The following SGPP2 variants were observed in gnomAD, a reference collection of about 807,000 sequenced individuals.
The protein encoded by SGPP2 is sphingosine 1-phosphate phosphohydrolase 2.
Under a neutral mutation model 33.9 loss-of-function variants are expected in SGPP2, and 30 were observed. The observed-to-expected ratio is 0.89, with a 90% confidence interval of 0.66 to 1.20. SGPP2 has a LOEUF of 1.20. SGPP2 is among the 50% of genes most tolerant of loss of function. The pLI, the probability that SGPP2 is intolerant of heterozygous loss-of-function variation, is 0.00. For synonymous variants in SGPP2, 233 were observed against 225.0 expected, an observed-to-expected ratio of 1.04 and a Z score of -0.32; for missense variants, 458 against 532.1, an observed-to-expected ratio of 0.86 and a Z score of 1.37.
chr2:222,426,071 C>T (rs976967809), intron 1 of SGPP2, among the ~76,000 whole-genome samples: 1 of 151,584 alleles, frequency 6.6e-6, no homozygotes, highest in East Asian at 1.9e-4. Context: ...GATAAGAAAT[C>T]AGCTGGGCGT....
Position 222,560,614 on chromosome 2 carries a change from T to G in SGPP2, c.*1716T>G, listed in dbSNP as rs1222603371. Reference sequence around the variant, plus strand: ...AAAGTATCCATTGAAGTTTAGTGCCTGTAGGACTGAGCCAGTGCTTTATCA... The same window carrying G: ...AAAGTATCCATTGAAGTTTAGTGCCGGTAGGACTGAGCCAGTGCTTTATCA... On this transcript the variant is annotated 3_prime_UTR_variant, in exon 5 of 5. Transcript: ENST00000321276. 1 of 152,184 alleles carries G rather than the reference T, an allele frequency of 6.6e-6. No homozygotes were observed. Among genetic ancestry groups the G allele is most frequent in the Non-Finnish European group, 1.5e-5 (1 of 68,038 alleles). The allele number at this position is 152,184 out of a possible 1,614,324, so 9.4% of individuals were successfully genotyped here.
At chr2:222,449,214 A>G (rs1207889750) in intron 1 of SGPP2, among the ~76,000 whole-genome samples, 1 of 152,110 alleles carries the variant, frequency 6.6e-6, no homozygotes, top group African/African-American at 2.4e-5. Flanking sequence ...TAAGACATTG[A>G]GGGTGGGGCT....
intron 2 of SGPP2, among the ~76,000 whole-genome samples, chr2:222,490,775 A>G (rs1698185369): frequency 6.6e-6 from 1 of 152,148 alleles, no homozygotes. Flanking sequence ...AGAGGTTGAT[A>G]TGAGTGAGAA....
intron 2 of SGPP2, among the ~76,000 whole-genome samples, chr2:222,521,059 C>T (rs749429619): frequency 6.6e-6 from 1 of 152,228 alleles, no homozygotes; most frequent in South Asian, 2.1e-4. Flanking sequence ...TGCACCCAAC[C>T]TGAGTCTTTA....
rs76928419 is a variant in SGPP2 at position 222,544,529 on chromosome 2, C to G, written c.649-13818C>G. Among the ~76,000 whole-genome samples the G allele has an allele frequency of 7.2e-5, 11 of 152,204 alleles. No individual in the cohort carries two copies. In the East Asian group the frequency reaches 2.1e-3, roughly 29 times the overall value. On this transcript the variant is annotated intron_variant, in intron 4 of 4. Coordinates refer to ENST00000321276, the MANE Select transcript of SGPP2 (RefSeq NM_152386.4). Reference sequence around the variant, plus strand: ...TTGCATATAATCAATGCCTATCCTCCTATACATTTTAAATCATCTCTAGAT... The same window carrying G: ...TTGCATATAATCAATGCCTATCCTCGTATACATTTTAAATCATCTCTAGAT...
chr2:222,527,070 A>AT (rs573284148), intron 4 of SGPP2, among the ~76,000 whole-genome samples: 5 of 152,244 alleles, frequency 3.3e-5, no homozygotes, highest in Non-Finnish European at 4.4e-5. Context: ...AGAGATGAGT[A>AT]AAGAGTACAC....
At chr2:222,537,879 A>G (rs1308709433) in intron 4 of SGPP2, among the ~76,000 whole-genome samples, 1 of 152,248 alleles carries the variant, frequency 6.6e-6, no homozygotes, top group African/African-American at 2.4e-5. Context: ...TGTAATTTTT[A>G]TTGATGTAGC....
chr2:222,452,825 C>A, intron 1 of SGPP2: 3 of 1,606,106 alleles, frequency 1.9e-6, no homozygotes, highest in Middle Eastern at 1.7e-4. Context: ...CATTGCTATT[C>A]TGCGGCCAGT....
intron 4 of SGPP2, among the ~76,000 whole-genome samples, chr2:222,525,785 C>G (rs1324747234): frequency 6.6e-6 from 1 of 152,136 alleles, no homozygotes; most frequent in African/African-American, 2.4e-5. Flanking sequence ...TATCTCAATT[C>G]TGAAGCTCAA....
At chr2:222,433,953 A>G (rs1024280229) in intron 1 of SGPP2, among the ~76,000 whole-genome samples, 1 of 152,144 alleles carries the variant, frequency 6.6e-6, no homozygotes, top group Non-Finnish European at 1.5e-5. Flanking sequence ...AGACATTTGC[A>G]TTTTTCAAAA....
At chr2:222,483,585 T>G (rs1303480777) in intron 2 of SGPP2, among the ~76,000 whole-genome samples, 1 of 152,248 alleles carries the variant, frequency 6.6e-6, no homozygotes. Flanking sequence ...TATTATTTTA[T>G]GCAACAGTCA....
At chr2:222,545,298 T>G (rs892986382) in intron 4 of SGPP2, among the ~76,000 whole-genome samples, 1 of 151,860 alleles carries the variant, frequency 6.6e-6, no homozygotes, top group African/African-American at 2.4e-5. Context: ...TTTTTTTTTT[T>G]TGAGACAGGG....
chr2:222,552,652 G>A (rs1190032416), intron 4 of SGPP2, among the ~76,000 whole-genome samples: 1 of 152,094 alleles, frequency 6.6e-6, no homozygotes, highest in Non-Finnish European at 1.5e-5. Context: ...CCTGAGGTTG[G>A]GAGTTTGAGA....
At chr2:222,484,338 A>G (rs1698072637) in intron 2 of SGPP2, among the ~76,000 whole-genome samples, 1 of 152,176 alleles carries the variant, frequency 6.6e-6, no homozygotes, top group South Asian at 2.1e-4. Flanking sequence ...TAGCTGTCCC[A>G]GATAGAGCCC....
intron 2 of SGPP2, among the ~76,000 whole-genome samples, chr2:222,491,708 C>G (rs930219668): frequency 6.6e-6 from 1 of 152,082 alleles, no homozygotes; most frequent in Non-Finnish European, 1.5e-5. Flanking sequence ...CTTCCCAAAT[C>G]TCACATCCTC....
chr2:222,493,501 G>C (rs1300719177), intron 2 of SGPP2, among the ~76,000 whole-genome samples: 2 of 152,134 alleles, frequency 1.3e-5, no homozygotes, highest in African/African-American at 2.4e-5. Context: ...ATTTGAGTGA[G>C]GACAAAGGAG....
chr2:222,486,684 T>A (rs2106106794), intron 2 of SGPP2, among the ~76,000 whole-genome samples: 1 of 152,328 alleles, frequency 6.6e-6, no homozygotes, highest in Non-Finnish European at 1.5e-5. Flanking sequence ...ACTCTCATTT[T>A]AAGGGGAGGA....
intron 4 of SGPP2, among the ~76,000 whole-genome samples, chr2:222,525,964 T>C (rs1698752436): frequency 6.6e-6 from 1 of 152,110 alleles, no homozygotes; most frequent in South Asian, 2.1e-4. Flanking sequence ...TTTGTCAAAA[T>C]GAACAGAGGC....
chr2:222,505,575 T>C (rs1167983013), intron 2 of SGPP2, among the ~76,000 whole-genome samples: 1 of 152,146 alleles, frequency 6.6e-6, no homozygotes, highest in African/African-American at 2.4e-5. Context: ...ATAAAACATA[T>C]GTCAATACTA....
Sources: gnomAD v4.1 joint callset for allele counts (sites outside exome capture counted in the v4.1 genomes callset) on GRCh38, gnomAD v4.1.1 for gene constraint, MANE v1.5 for transcripts, NCBI Gene and HGNC (gene_info 2026-07-23, HGNC 2026-07-21) for gene names.